The following TUBGCP3 variants were observed in gnomAD, a reference collection of about 807,000 sequenced individuals.
TUBGCP3 encodes tubulin gamma complex component 3, also known as gamma-tubulin complex component 3.
Under a neutral mutation model 123.1 loss-of-function variants are expected in TUBGCP3, and 50 were observed. That is an observed-to-expected ratio of 0.41 (90% CI 0.32 to 0.51). The LOEUF (loss-of-function observed/expected upper bound fraction) is 0.51. TUBGCP3 is among the 20% of genes least tolerant of loss of function. The pLI, the probability that TUBGCP3 is intolerant of heterozygous loss-of-function variation, is 0.36. For missense variants in TUBGCP3, 882 were observed against 1,127.0 expected, an observed-to-expected ratio of 0.78 and a Z score of 3.11; for synonymous variants, 405 against 413.9, an observed-to-expected ratio of 0.98 and a Z score of 0.26.
intron 19 of TUBGCP3, among the ~76,000 whole-genome samples, chr13:112,500,999 A>G (rs1002626708): frequency 6.6e-6 from 1 of 152,238 alleles, no homozygotes; most frequent in East Asian, 1.9e-4. Flanking sequence ...AGAACTTGGT[A>G]TTCGGCAGTG....
chr13:112,531,455 G>A (rs1460334905), intron 11 of TUBGCP3, among the ~76,000 whole-genome samples: 1 of 152,172 alleles, frequency 6.6e-6, no homozygotes. Context: ...CGGCAGTGAC[G>A]AAGTCACCGC....
chr13:112,523,222 T>G (rs1033007198), intron 13 of TUBGCP3, among the ~76,000 whole-genome samples: 1 of 152,188 alleles, frequency 6.6e-6, no homozygotes, highest in Non-Finnish European at 1.5e-5. Context: ...ATAACCCCAG[T>G]GGGAGGAACA....
chr13:112,592,629 A>G (rs1188776231), upstream of TUBGCP3, among the ~76,000 whole-genome samples: 2 of 152,232 alleles, frequency 1.3e-5, no homozygotes, highest in Non-Finnish European at 2.9e-5. The surrounding 1 kb of genome is among the most constrained non-coding windows in gnomAD (Gnocchi z 4.1). Flanking sequence ...AAAGTGCTGA[A>G]TGCAAAGTCA....
Position 112,504,065 on chromosome 13 carries a change from G to T in TUBGCP3, c.2274C>A (p.Ile758=). Reference sequence around the variant, plus strand: ...CACTGTCCAGCAGGCAGCGGGAGATGATGGTGTCTAAGAACACCTCGTGTG... The same window carrying T: ...CACTGTCCAGCAGGCAGCGGGAGATTATGGTGTCTAAGAACACCTCGTGTG... ...IAAHEVFLDT[I]ISRCLLDSDS... is the part of the protein sequence containing the mutation. Residue 758 remains isoleucine (I), a synonymous_variant, in exon 19 of 22, where the codon ATC becomes ATA. Transcript: ENST00000261965. 6.2e-7 allele frequency: 1 copy of T among 1,614,130 alleles called. No homozygotes were observed. The highest frequency in any genetic ancestry group is 8.5e-7 in the Non-Finnish European group (1 of 1,180,000).
At position 112,554,088 on chromosome 13, in the gene TUBGCP3, C is replaced by T. The variant is rs369067303; in HGVS notation, c.935G>A (p.Ser312Asn). 2 of 1,614,010 alleles carry T rather than the reference C, an allele frequency of 1.2e-6. No homozygotes were observed. The highest frequency in any genetic ancestry group is 1.7e-6 in the Non-Finnish European group (2 of 1,180,016). ...GACGAGTCCGAATGAGCGGTCCAGG[C>T]TCCTCTGGTCCGTGTATCTTCTGAT... ...NKIRRYTDQR[S>N]LDRSFGLVGQ... is the part of the protein sequence containing the mutation. Residue 312 changes from serine (S) to asparagine (N), a missense_variant, in exon 8 of 22, where the codon AGC becomes AAC. Ser to Asn is a conservative substitution (Grantham distance 46). This residue lies in a region of TUBGCP3 where 713 missense variants were observed against 874.0 expected (regional missense o/e 0.82). Transcript: ENST00000261965.
At chr13:112,568,860 C>T (rs1266481727) in intron 2 of TUBGCP3, among the ~76,000 whole-genome samples, 1 of 152,180 alleles carries the variant, frequency 6.6e-6, no homozygotes, top group Admixed American at 6.5e-5. Context: ...AGAGCCCTGC[C>T]AGGGATAATC....
At position 112,583,792 on chromosome 13, in the gene TUBGCP3, G is replaced by C. The variant is rs191825762; in HGVS notation, c.76+4113C>G. Among the ~76,000 whole-genome samples the C allele has an allele frequency of 1.0e-3, 157 of 152,316 alleles. 2 individuals carry two copies. Among genetic ancestry groups the C allele is most frequent in the African/African-American group, 3.5e-3 (146 of 41,562 alleles). On this transcript the variant is annotated intron_variant, in intron 1 of 21. Transcript: ENST00000261965. ...CCACACTTCTGCTTTTCTGAAGGATGGGGGAGGGGTCAGGAGGGCGTTGGG... is the reference window on the plus strand; with the variant it reads ...CCACACTTCTGCTTTTCTGAAGGATCGGGGAGGGGTCAGGAGGGCGTTGGG...
chr13:112,585,157 A>G (rs1882520336), intron 1 of TUBGCP3, among the ~76,000 whole-genome samples: 1 of 152,252 alleles, frequency 6.6e-6, no homozygotes, highest in Non-Finnish European at 1.5e-5. Flanking sequence ...AAAAAAATGT[A>G]TTACAAAAGC....
chr13:112,578,532 T>C (rs1357644503), intron 1 of TUBGCP3, among the ~76,000 whole-genome samples: 6 of 119,268 alleles, frequency 5.0e-5, no homozygotes, highest in Non-Finnish European at 9.6e-5. Context: ...GCAGTCCAGC[T>C]TGGGCGAAAG....
At chr13:112,489,135 GTGGAGCACAGGGGCCACCCCCAGGTCCCC>G (rs1879894518) in intron 21 of TUBGCP3, among the ~76,000 whole-genome samples, 1 of 143,760 alleles carries the variant, frequency 7.0e-6, no homozygotes, top group African/African-American at 2.6e-5. Flanking sequence ...TCCCACCACA[GTGGAGCACAGGGGCCACCCCCAGGTCCCC>G]ACACCCACCA....
At chr13:112,589,242 T>TC (rs1404867592), upstream of TUBGCP3, among the ~76,000 whole-genome samples, 1 of 152,226 alleles carries the variant, frequency 6.6e-6, no homozygotes, top group East Asian at 1.9e-4. Flanking sequence ...TACTACAATG[T>TC]CCAGATGTCA....
intron 2 of TUBGCP3, among the ~76,000 whole-genome samples, chr13:112,566,356 C>T (rs1880954846): frequency 6.6e-6 from 1 of 152,196 alleles, no homozygotes; most frequent in Non-Finnish European, 1.5e-5. Flanking sequence ...AGTAGTATGA[C>T]TTTATAAAAA....
At chr13:112,501,678 T>A (rs1223086406) in intron 19 of TUBGCP3, among the ~76,000 whole-genome samples, 2 of 152,248 alleles carry the variant, frequency 1.3e-5, no homozygotes, top group South Asian at 2.1e-4. Flanking sequence ...TTATTTATTT[T>A]TTTTTAAAGC....
chr13:112,536,137 C>T (rs1245140677), intron 11 of TUBGCP3, among the ~76,000 whole-genome samples: 1 of 152,244 alleles, frequency 6.6e-6, no homozygotes, highest in Non-Finnish European at 1.5e-5. Flanking sequence ...GCCAGTATCA[C>T]ATTGTTTTGA....
chr13:112,511,315 G>C lies in TUBGCP3; in HGVS notation c.2086+5125C>G, dbSNP rs1881661697. 6.6e-6 allele frequency among the ~76,000 whole-genome samples: 1 copy of C among 152,194 alleles called. No individual in the cohort carries two copies. Reference sequence around the variant, plus strand: ...AAAATCTGCGGTGCTGCTTTACATGGAAAAGTGGCATTTTGGTTCTTCTCT... The same window carrying C: ...AAAATCTGCGGTGCTGCTTTACATGCAAAAGTGGCATTTTGGTTCTTCTCT... On this transcript the variant is annotated intron_variant, in intron 17 of 21. Coordinates refer to ENST00000261965, the MANE Select transcript of TUBGCP3 (RefSeq NM_006322.6). The surrounding 1 kb of genome is among the most constrained non-coding windows in gnomAD (Gnocchi z 4.1).
intron 8 of TUBGCP3, among the ~76,000 whole-genome samples, chr13:112,551,200 G>A (rs1031708658): frequency 6.6e-5 from 10 of 152,240 alleles, no homozygotes; most frequent in Non-Finnish European, 1.2e-4. Flanking sequence ...GTCAGCTTCT[G>A]AGAAGTCTAC....
At chr13:112,589,344 G>C (rs1208559521), upstream of TUBGCP3, among the ~76,000 whole-genome samples, 3 of 152,192 alleles carry the variant, frequency 2.0e-5, no homozygotes, top group African/African-American at 4.8e-5. Flanking sequence ...GGACAGACAT[G>C]CAAGAACCCC....
intron 9 of TUBGCP3, 141 bp downstream of exon 9, chr13:112,547,967 T>G: frequency 1.1e-6 from 1 of 896,264 alleles, no homozygotes. Flanking sequence ...AAACTTGATA[T>G]TCAAACCTTA....
At chr13:112,576,784 G>A (rs1480884623) in intron 1 of TUBGCP3, among the ~76,000 whole-genome samples, 1 of 151,812 alleles carries the variant, frequency 6.6e-6, no homozygotes, top group African/African-American at 2.4e-5. Context: ...AAAATTTATA[G>A]CATAAAATGC....
Sources: allele counts gnomAD v4.1 joint callset (sites outside exome capture counted in the v4.1 genomes callset), GRCh38; gene constraint gnomAD v4.1.1; regional missense constraint gnomAD v4.1.1; non-coding constraint Gnocchi (gnomAD v3.1); transcripts MANE v1.5; gene names NCBI Gene and HGNC (gene_info 2026-07-23, HGNC 2026-07-21).